Variants in RARB observed in about 807,000 individuals in gnomAD.
The protein encoded by RARB is retinoic acid receptor beta, also known as HBV-activated protein.
Under a neutral mutation model 51.9 loss-of-function variants are expected in RARB, and 17 were observed. That is an observed-to-expected ratio of 0.33 (90% CI 0.22 to 0.49). The LOEUF (loss-of-function observed/expected upper bound fraction) is 0.49. Among genes scored for constraint, RARB ranks in the 20% least tolerant of loss-of-function variants. RARB has a pLI of 0.99. For synonymous variants in RARB, 215 were observed against 195.4 expected (o/e 1.10, Z -0.84); for missense variants, 369 against 550.8 (o/e 0.67, Z 3.30).
intron 5 of RARB, among the ~76,000 whole-genome samples, chr3:25,341,390 AG>A (rs1705222645): frequency 6.6e-6 from 1 of 152,202 alleles, no homozygotes; most frequent in African/African-American, 2.4e-5. Context: ...GAGTAGAAAA[AG>A]GTTGTGGAAC....
At chr3:24,836,018 C>T (rs1181785112) in intron 1 of RARB, among the ~76,000 whole-genome samples, 1 of 152,186 alleles carries the variant, frequency 6.6e-6, no homozygotes, top group Non-Finnish European at 1.5e-5. Flanking sequence ...TTGGAAAAGA[C>T]TTGAGTGGCT....
intron 5 of RARB, among the ~76,000 whole-genome samples, chr3:25,242,402 T>C (rs528121501): frequency 4.0e-4 from 61 of 152,326 alleles, no homozygotes; most frequent in Admixed American, 9.2e-4. Context: ...CTGAACGGTA[T>C]TGCCTAGGTT....
chr3:25,129,932 C>T (rs1699918618), intron 3 of RARB, among the ~76,000 whole-genome samples: 1 of 152,096 alleles, frequency 6.6e-6, no homozygotes, highest in South Asian at 2.1e-4. Context: ...CAGAAGCTCT[C>T]TTATATAGGC....
chr3:25,263,895 G>A (rs1253145188), intron 5 of RARB, among the ~76,000 whole-genome samples: 5 of 152,142 alleles, frequency 3.3e-5, no homozygotes, highest in Non-Finnish European at 7.3e-5. Context: ...GTTCTGAAGG[G>A]GGAGAGCCCT....
chr3:25,211,253 C>T (rs1575223635), intron 5 of RARB, among the ~76,000 whole-genome samples: 1 of 152,048 alleles, frequency 6.6e-6, no homozygotes. Flanking sequence ...AGACAGAATC[C>T]TAAAAGTGAA....
chr3:25,411,252 C>T (rs924661826), intron 5 of RARB, among the ~76,000 whole-genome samples: 2 of 152,098 alleles, frequency 1.3e-5, no homozygotes, highest in African/African-American at 4.8e-5. Flanking sequence ...ACATTCACAC[C>T]TTTTTGTAGA....
intron 1 of RARB, among the ~76,000 whole-genome samples, chr3:24,850,902 A>G (rs1702546326): frequency 6.6e-6 from 1 of 152,216 alleles, no homozygotes; most frequent in Non-Finnish European, 1.5e-5. Context: ...CAGATATGCT[A>G]AAACAAAACA....
intron 5 of RARB, among the ~76,000 whole-genome samples, chr3:25,283,242 G>A (rs1703568000): frequency 6.6e-6 from 1 of 152,192 alleles, no homozygotes; most frequent in Non-Finnish European, 1.5e-5. Context: ...TAGAATGATG[G>A]CAATGACCTC....
chr3:25,305,936 G>A (rs1197565008), intron 5 of RARB, among the ~76,000 whole-genome samples: 1 of 152,176 alleles, frequency 6.6e-6, no homozygotes, highest in Non-Finnish European at 1.5e-5. Flanking sequence ...CTTGTCCCAA[G>A]TGCCAAGCTC....
intron 2 of RARB, among the ~76,000 whole-genome samples, chr3:25,476,443 G>C (rs956295785): frequency 6.6e-6 from 1 of 152,028 alleles, no homozygotes; most frequent in Non-Finnish European, 1.5e-5. Context: ...TTATTTGGCT[G>C]TGCCTTCTAT....
rs143212329 is a variant in RARB, at chr3:24,983,743, TCTC to T, written c.-379-76378_-379-76376del. Among the ~76,000 whole-genome samples, 1,252 of 152,170 alleles carry T rather than the reference TCTC, an allele frequency of 8.2e-3. 20 individuals carry two copies. The highest frequency in any genetic ancestry group is 0.029 in the African/African-American group (1,191 of 41,480). On this transcript the variant is annotated intron_variant, in intron 2 of 11. Coordinates refer to the RARB transcript ENST00000383772. ...AAAATGGCCCTTTGGTCTGTCTGCTTCTCCTCTATGACCTCAGCATCATGGGTA... is the reference window on the plus strand; with the variant it reads ...AAAATGGCCCTTTGGTCTGTCTGCTTCTCTATGACCTCAGCATCATGGGTA...
intron 2 of RARB, among the ~76,000 whole-genome samples, chr3:24,899,192 A>T (rs1382204396): frequency 6.6e-6 from 1 of 152,222 alleles, no homozygotes; most frequent in Non-Finnish European, 1.5e-5. Context: ...TCAAGATGAC[A>T]GCAGAGCATT....
At chr3:24,925,342 T>C (rs1394808462) in intron 2 of RARB, among the ~76,000 whole-genome samples, 3 of 152,046 alleles carry the variant, frequency 2.0e-5, no homozygotes, top group Non-Finnish European at 4.4e-5. Context: ...TGTAGATATG[T>C]CCTTGGAAAG....
At chr3:24,877,858 A>G (rs1228004632) in intron 2 of RARB, among the ~76,000 whole-genome samples, 1 of 152,202 alleles carries the variant, frequency 6.6e-6, no homozygotes, top group Non-Finnish European at 1.5e-5. Context: ...GTCCACATGA[A>G]TGTGAGCCTC....
At chr3:24,963,176 A>T (rs1293876882) in intron 2 of RARB, among the ~76,000 whole-genome samples, 1 of 151,932 alleles carries the variant, frequency 6.6e-6, no homozygotes, top group African/African-American at 2.4e-5. Context: ...TGTTTTTTAA[A>T]AGCTAGTTAC....
At chr3:24,991,533 T>C (rs1161138253) in intron 2 of RARB, among the ~76,000 whole-genome samples, 1 of 152,146 alleles carries the variant, frequency 6.6e-6, no homozygotes, top group Non-Finnish European at 1.5e-5. Flanking sequence ...TTTCTTGTAT[T>C]ATTGCACTGT....
intron 5 of RARB, among the ~76,000 whole-genome samples, chr3:25,334,301 G>A (rs558340834): frequency 3.3e-5 from 5 of 152,236 alleles, no homozygotes; most frequent in East Asian, 3.9e-4. Context: ...ATGATAGACC[G>A]GATTAAGAAA....
At chr3:24,842,570 T>C (rs938637990) in intron 1 of RARB, among the ~76,000 whole-genome samples, 2 of 152,210 alleles carry the variant, frequency 1.3e-5, no homozygotes, top group Non-Finnish European at 2.9e-5. Context: ...TCATTTGTTA[T>C]TGTGGAGATT....
chr3:24,908,638 T>C (rs1247431169), intron 2 of RARB, among the ~76,000 whole-genome samples: 1 of 149,444 alleles, frequency 6.7e-6, no homozygotes, highest in East Asian at 2.0e-4. Flanking sequence ...CTCTAAAATT[T>C]GTAATTCTTG....
Sources: allele counts gnomAD v4.1 joint callset (sites outside exome capture counted in the v4.1 genomes callset), GRCh38; gene constraint gnomAD v4.1.1; transcripts MANE v1.5; gene names NCBI Gene and HGNC (gene_info 2026-07-23, HGNC 2026-07-21).